The following NXPH2 variants were observed in gnomAD, a reference collection of about 807,000 sequenced individuals.
The protein encoded by NXPH2 is neurexophilin 2.
In NXPH2, 5 loss-of-function variants were observed where a neutral mutation model predicts 19.8. The ratio of observed to expected loss-of-function variants is 0.25; its 90% CI spans 0.13 to 0.53. NXPH2 has a LOEUF of 0.53. Ranked by LOEUF, NXPH2 falls within the 20% of genes least tolerant of loss-of-function variation. NXPH2 has a pLI of 0.96. For synonymous variants in NXPH2, 154 were observed against 127.4 expected (o/e 1.21, Z -1.41); for missense variants, 289 against 322.8 (o/e 0.90, Z 0.80).
At chr2:138,745,707 T>G (rs2105008822) in intron 1 of NXPH2, among the ~76,000 whole-genome samples, 1 of 152,226 alleles carries the variant, frequency 6.6e-6, no homozygotes, top group South Asian at 2.1e-4. Flanking sequence ...TGGAAAAATC[T>G]TGGAAACATA....
intron 1 of NXPH2, among the ~76,000 whole-genome samples, chr2:138,712,358 TTC>T (rs1198687401): frequency 2.0e-5 from 3 of 152,150 alleles, no homozygotes; most frequent in Non-Finnish European, 4.4e-5. Flanking sequence ...AAACAGGAAT[TTC>T]TCTGTCACAG....
rs533498212 is a variant in NXPH2, at chr2:138,721,089, C to T, written c.52-49424G>A. ...GAGTGTGGTGGCTCAGGCCTGTAAT[C>T]CCAGCACTTTGGGAGGCCGAGGTGG... is the stretch of plus-strand genomic sequence containing the variant. On this transcript the variant is annotated intron_variant, in intron 1 of 1. Transcript: ENST00000272641. Among the ~76,000 whole-genome samples the T allele has an allele frequency of 3.5e-4, 53 of 152,186 alleles. 1 individual carries two copies. In the South Asian group the frequency reaches 9.8e-3, roughly 28 times the overall value.
rs1491345576 is a variant in NXPH2, at chr2:138,728,156, C to CTCTCTCTCT, written c.51+52026_51+52034dup. The stretch of plus-strand genomic sequence containing the variant: ...TAAGAGAAGAAGACACCAGAGTGCG[C>CTCTCTCTCT]TCTCTCTCTCTCTCTCTCTCTCTGT... On this transcript the variant is annotated intron_variant, in intron 1 of 1. Transcript: ENST00000272641. Among the ~76,000 whole-genome samples, 4 of 1,350 alleles carry CTCTCTCTCT rather than the reference C, an allele frequency of 3.0e-3. No individual in the cohort carries two copies. In the Non-Finnish European group the frequency reaches 0.047, roughly 16 times the overall value. 0.9% of individuals were successfully genotyped at this position (1,350 alleles called of 152,430 possible).
At chr2:138,727,673 G>A (rs1391365462) in intron 1 of NXPH2, among the ~76,000 whole-genome samples, 12 of 122,890 alleles carry the variant, frequency 9.8e-5, no homozygotes, top group Non-Finnish European at 1.7e-5. Context: ...CGGTGAGGCG[G>A]GGGGGGTTCT....
chr2:138,720,371 T>C (rs555538353), intron 1 of NXPH2, among the ~76,000 whole-genome samples: 61 of 152,356 alleles, frequency 4.0e-4, no homozygotes, highest in African/African-American at 1.4e-3. Flanking sequence ...CAGTGTTCAC[T>C]GACCAGGGTC....
intron 1 of NXPH2, among the ~76,000 whole-genome samples, chr2:138,731,328 G>T (rs1558924351): frequency 6.6e-6 from 1 of 152,094 alleles, no homozygotes; most frequent in Non-Finnish European, 1.5e-5. Flanking sequence ...TTTAGGAAAA[G>T]CTCGGTCAAA....
intron 1 of NXPH2, among the ~76,000 whole-genome samples, chr2:138,712,518 G>A (rs1263678302): frequency 6.6e-6 from 1 of 152,028 alleles, no homozygotes. Context: ...CCCCACCCTG[G>A]GATACTAAGG....
rs72986882 is a variant in NXPH2 at position 138,689,953 on chromosome 2, G to A, written c.52-18288C>T. Reference sequence around the variant, plus strand: ...CCTGTACATGCAGGAAGTAGCTTGAGGGGGTGGCAGAGGGAGGAAGTGGTC... The same window carrying A: ...CCTGTACATGCAGGAAGTAGCTTGAAGGGGTGGCAGAGGGAGGAAGTGGTC... On this transcript the variant is annotated intron_variant, in intron 1 of 1. Coordinates refer to ENST00000272641, the MANE Select transcript of NXPH2 (RefSeq NM_007226.3). 3.6e-3 allele frequency among the ~76,000 whole-genome samples: 554 copies of A among 152,304 alleles called. 3 individuals are homozygous for A. The highest frequency in any genetic ancestry group is 9.1e-3 in the African/African-American group (379 of 41,564).
chr2:138,700,646 C>T (rs963241933), intron 1 of NXPH2, among the ~76,000 whole-genome samples: 2 of 151,998 alleles, frequency 1.3e-5, no homozygotes, highest in African/African-American at 2.4e-5. Flanking sequence ...TATGGGCTTC[C>T]TTCCCCCTCG....
intron 1 of NXPH2, among the ~76,000 whole-genome samples, chr2:138,707,109 A>AAAAAAAAAAAAAAAAAAAAAAAT (rs1558918446): frequency 1.3e-5 from 2 of 148,416 alleles, no homozygotes; most frequent in East Asian, 4.0e-4. Flanking sequence ...AAAAAAAAAA[A>AAAAAAAAAAAAAAAAAAAAAAAT]AAAGAGCAAG....
intron 1 of NXPH2, among the ~76,000 whole-genome samples, chr2:138,682,940 C>T (rs535579827): frequency 6.6e-6 from 1 of 152,216 alleles, no homozygotes; most frequent in African/African-American, 2.4e-5. Flanking sequence ...TACCATAGTT[C>T]TCTGTAAATA....
intron 1 of NXPH2, among the ~76,000 whole-genome samples, chr2:138,768,502 C>T (rs1682126793): frequency 6.6e-6 from 1 of 152,160 alleles, no homozygotes; most frequent in African/African-American, 2.4e-5. Context: ...CTTTCTCAAC[C>T]AGAACACAGC....
intron 1 of NXPH2, among the ~76,000 whole-genome samples, chr2:138,747,596 G>A (rs1225213850): frequency 6.6e-6 from 1 of 152,164 alleles, no homozygotes; most frequent in Non-Finnish European, 1.5e-5. Context: ...TCCCTGGTTG[G>A]ATCTAGGAAG....
At chr2:138,696,053 T>C (rs1428584243) in intron 1 of NXPH2, among the ~76,000 whole-genome samples, 3 of 152,096 alleles carry the variant, frequency 2.0e-5, no homozygotes, top group Admixed American at 2.0e-4. Context: ...AAACATATTT[T>C]CTGACAATTA....
At chr2:138,700,845 G>A (rs537047882) in intron 1 of NXPH2, among the ~76,000 whole-genome samples, 1 of 152,062 alleles carries the variant, frequency 6.6e-6, no homozygotes, top group East Asian at 1.9e-4. Context: ...GGTTCATATC[G>A]GTGGTTGAAC....
intron 1 of NXPH2, among the ~76,000 whole-genome samples, chr2:138,693,332 A>C (rs934878723): frequency 6.6e-6 from 1 of 152,196 alleles, no homozygotes; most frequent in Admixed American, 6.6e-5. Flanking sequence ...GATTGAAAAC[A>C]TAAGCTAAGA....
chr2:138,709,219 C>G (rs944280697), intron 1 of NXPH2, among the ~76,000 whole-genome samples: 3 of 152,104 alleles, frequency 2.0e-5, no homozygotes, highest in Non-Finnish European at 4.4e-5. Context: ...CTCAGGGAAA[C>G]AGGGGCAGCT....
chr2:138,742,383 C>A (rs1681659373), intron 1 of NXPH2, among the ~76,000 whole-genome samples: 1 of 152,106 alleles, frequency 6.6e-6, no homozygotes, highest in South Asian at 2.1e-4. Context: ...CGCCCTGGAA[C>A]TATTTGGAAA....
chr2:138,686,396 A>G (rs1482029439), intron 1 of NXPH2, among the ~76,000 whole-genome samples: 2 of 152,132 alleles, frequency 1.3e-5, no homozygotes, highest in African/African-American at 2.4e-5. Context: ...CCATCATTTC[A>G]TGTTAAGCTC....
Sources: allele counts gnomAD v4.1 joint callset (sites outside exome capture counted in the v4.1 genomes callset), GRCh38; gene constraint gnomAD v4.1.1; transcripts MANE v1.5; gene names NCBI Gene and HGNC (gene_info 2026-07-23, HGNC 2026-07-21).